ADAMTSL3: variants seen among roughly 807,000 people sequenced by gnomAD.
The protein encoded by ADAMTSL3 is ADAMTS like 3, also known as ADAMTS-like protein 3.
In ADAMTSL3, 128 loss-of-function variants were observed where a neutral mutation model predicts 201.7. The observed-to-expected ratio is 0.63, with a 90% CI of 0.55 to 0.73. The LOEUF (loss-of-function observed/expected upper bound fraction) is 0.73, where lower values mean the gene tolerates loss of function less well. Among genes scored for constraint, ADAMTSL3 ranks in the 30% least tolerant of loss-of-function variants. The pLI is 0.00. For synonymous variants in ADAMTSL3, 738 were observed against 748.4 expected, an observed-to-expected ratio of 0.99 and a Z score of 0.23; for missense variants, 1,990 against 2,119.6, an observed-to-expected ratio of 0.94 and a Z score of 1.20.
intron 6 of ADAMTSL3, among the ~76,000 whole-genome samples, chr15:83,822,760 A>G (rs1200448250): frequency 3.3e-3 from 425 of 128,054 alleles, no homozygotes; most frequent in Non-Finnish European, 4.4e-3. Context: ...ATGGGCGGCC[A>G]GGCAGAGACG....
intron 7 of ADAMTSL3, among the ~76,000 whole-genome samples, chr15:83,851,341 C>G (rs1206412987): frequency 6.6e-6 from 1 of 152,094 alleles, no homozygotes; most frequent in Non-Finnish European, 1.5e-5. Context: ...ACATTTTCCT[C>G]AAGTTTGAGG....
At chr15:83,999,256 C>G (rs116326656) in intron 23 of ADAMTSL3, among the ~76,000 whole-genome samples, 22 of 152,208 alleles carry the variant, frequency 1.4e-4, no homozygotes, top group Non-Finnish European at 2.5e-4. Flanking sequence ...AAACCCTTCT[C>G]TTGTTTTTGG....
intron 15 of ADAMTSL3, among the ~76,000 whole-genome samples, chr15:83,901,452 A>T (rs2065721829): frequency 6.6e-6 from 1 of 152,194 alleles, no homozygotes; most frequent in Non-Finnish European, 1.5e-5. Context: ...GCCTACTTTG[A>T]TTAACAAGAA....
intron 18 of ADAMTSL3, 47 bp from the exon 19 acceptor site, chr15:83,942,856 C>G (rs971956952): frequency 5.6e-6 from 9 of 1,606,292 alleles, no homozygotes; most frequent in Non-Finnish European, 7.7e-6. Context: ...ACTGCACTAA[C>G]ATAGAGTGGG....
At chr15:83,806,477 C>T (rs2063604641) in intron 5 of ADAMTSL3, among the ~76,000 whole-genome samples, 1 of 152,218 alleles carries the variant, frequency 6.6e-6, no homozygotes, top group African/African-American at 2.4e-5. Context: ...TAGGACACAT[C>T]TTTAGGGAAA....
At chr15:83,970,122 A>G (rs2067165035) in intron 19 of ADAMTSL3, among the ~76,000 whole-genome samples, 1 of 152,212 alleles carries the variant, frequency 6.6e-6, no homozygotes, top group African/African-American at 2.4e-5. Flanking sequence ...TAAAAAATGA[A>G]TGGCTAAAAA....
At chr15:83,876,771 A>G (rs915185797) in intron 9 of ADAMTSL3, among the ~76,000 whole-genome samples, 1 of 152,116 alleles carries the variant, frequency 6.6e-6, no homozygotes, top group Non-Finnish European at 1.5e-5. Context: ...AGTTGAGACT[A>G]CATGTGCACA....
intron 2 of ADAMTSL3, among the ~76,000 whole-genome samples, chr15:83,688,464 A>G (rs746738653): frequency 2.0e-5 from 3 of 152,208 alleles, no homozygotes; most frequent in Non-Finnish European, 4.4e-5. Context: ...CAAAAACTCC[A>G]GATGAAAGAA....
chr15:83,774,624 G>A (rs1275731790), intron 4 of ADAMTSL3, among the ~76,000 whole-genome samples: 1 of 152,174 alleles, frequency 6.6e-6, no homozygotes, highest in Non-Finnish European at 1.5e-5. Flanking sequence ...TCAGAGCATG[G>A]AAGCTTCAGT....
At chr15:83,828,530 C>G (rs1251104683) in intron 6 of ADAMTSL3, among the ~76,000 whole-genome samples, 1 of 152,162 alleles carries the variant, frequency 6.6e-6, no homozygotes, top group Admixed American at 6.5e-5. Context: ...CTTTCTCCTG[C>G]GTGATTGCCC....
chr15:83,706,858 G>A (rs1447175803), intron 3 of ADAMTSL3, among the ~76,000 whole-genome samples: 1 of 150,356 alleles, frequency 6.7e-6, no homozygotes, highest in Non-Finnish European at 1.5e-5. Flanking sequence ...TTGTAGAAAT[G>A]AGGTTTTGCT....
intron 2 of ADAMTSL3, among the ~76,000 whole-genome samples, chr15:83,696,475 A>G (rs925757158): frequency 6.6e-6 from 1 of 152,142 alleles, no homozygotes; most frequent in African/African-American, 2.4e-5. Flanking sequence ...TCATGGGAAG[A>G]GTCCAGCAAT....
chr15:83,684,485 G>C, intron 2 of ADAMTSL3, among the ~76,000 whole-genome samples: 1 of 152,100 alleles, frequency 6.6e-6, no homozygotes, highest in East Asian at 1.9e-4. Flanking sequence ...GATCACTTGA[G>C]GCCAGGAGTT....
chr15:84,021,202 T>G (rs2068199368), intron 25 of ADAMTSL3, among the ~76,000 whole-genome samples: 1 of 152,182 alleles, frequency 6.6e-6, no homozygotes, highest in Non-Finnish European at 1.5e-5. Context: ...AGGACCCCAT[T>G]CTGGCCGCCA....
intron 9 of ADAMTSL3, among the ~76,000 whole-genome samples, chr15:83,874,054 G>T (rs1249502123): frequency 2.1e-5 from 3 of 145,328 alleles, no homozygotes; most frequent in Non-Finnish European, 4.5e-5. Context: ...TGGAGAGGAT[G>T]CTCCTTTCTC....
intron 16 of ADAMTSL3, among the ~76,000 whole-genome samples, chr15:83,914,351 G>A (rs1170126725): frequency 6.6e-6 from 1 of 152,230 alleles, no homozygotes; most frequent in African/African-American, 2.4e-5. Flanking sequence ...CATTGTGCCT[G>A]AACCCCTCAC....
chr15:83,948,356 C>T (rs2066695683), intron 19 of ADAMTSL3, among the ~76,000 whole-genome samples: 1 of 151,216 alleles, frequency 6.6e-6, no homozygotes, highest in Admixed American at 6.6e-5. Flanking sequence ...TGGCTATTTC[C>T]TCCAAGAACA....
intron 15 of ADAMTSL3, among the ~76,000 whole-genome samples, chr15:83,909,822 G>A (rs1256474434): frequency 6.6e-6 from 1 of 152,020 alleles, no homozygotes; most frequent in Non-Finnish European, 1.5e-5. Context: ...CAGCATGTTG[G>A]CCAGCCTAGT....
intron 17 of ADAMTSL3, among the ~76,000 whole-genome samples, chr15:83,932,941 A>C (rs2066389678): frequency 1.3e-5 from 2 of 152,284 alleles, no homozygotes; most frequent in Non-Finnish European, 2.9e-5. Flanking sequence ...GTTTACATAT[A>C]TAAAACAGGA....
Sources: gnomAD v4.1 joint callset for allele counts (sites outside exome capture counted in the v4.1 genomes callset) on GRCh38, gnomAD v4.1.1 for gene constraint, MANE v1.5 for transcripts, NCBI Gene and HGNC (gene_info 2026-07-23, HGNC 2026-07-21) for gene names.